The following MAP4K5 variants were observed in gnomAD, a reference collection of about 807,000 sequenced individuals.
MAP4K5 encodes mitogen-activated protein kinase kinase kinase kinase 5, also known as MAPK/ERK kinase kinase kinase 5.
Under a neutral mutation model 135.6 loss-of-function variants are expected in MAP4K5, and 82 were observed. That is an observed-to-expected ratio of 0.60 (90% confidence interval 0.51 to 0.73). The LOEUF (loss-of-function observed/expected upper bound fraction) is 0.73. Among genes scored for constraint, MAP4K5 ranks in the 30% least tolerant of loss-of-function variants. MAP4K5 has a pLI of 0.00. For synonymous variants in MAP4K5, 347 were observed against 335.0 expected (o/e 1.04, Z -0.39); for missense variants, 907 against 1,010.9 (o/e 0.90, Z 1.39).
chr14:50,433,604 A>G (rs2036023202), intron 28 of MAP4K5, among the ~76,000 whole-genome samples: 1 of 152,238 alleles, frequency 6.6e-6, no homozygotes, highest in African/African-American at 2.4e-5. Flanking sequence ...TAAATGATCA[A>G]AAGCCAAAGG....
exon 2 of MAP4K5, chr14:50,542,527 G>A (rs374709090): frequency 2.4e-4 from 36 of 152,298 alleles, no homozygotes; most frequent in African/African-American, 8.4e-4. Context: ...AGTTGAACAT[G>A]GGCAGCAGAA....
chr14:50,503,222 T>C (rs944436776), intron 3 of MAP4K5, among the ~76,000 whole-genome samples: 1 of 152,004 alleles, frequency 6.6e-6, no homozygotes, highest in Admixed American at 6.6e-5. Context: ...AATAACCTGA[T>C]AGGACTGGGG....
At chr14:50,463,170 C>T (rs1256548296) in intron 12 of MAP4K5, among the ~76,000 whole-genome samples, 1 of 152,112 alleles carries the variant, frequency 6.6e-6, no homozygotes, top group African/African-American at 2.4e-5. Flanking sequence ...TATCTGCATA[C>T]ATTTAATTCT....
At chr14:50,444,399 T>G (rs2139717384) in intron 18 of MAP4K5, among the ~76,000 whole-genome samples, 1 of 152,300 alleles carries the variant, frequency 6.6e-6, no homozygotes, top group South Asian at 2.1e-4. Flanking sequence ...TAATTCAGAT[T>G]TCCCAGCTTC....
At chr14:50,536,113 C>G, upstream of MAP4K5, among the ~76,000 whole-genome samples, 1 of 152,192 alleles carries the variant, frequency 6.6e-6, no homozygotes, top group Admixed American at 6.5e-5. Flanking sequence ...TGCCCGGTCT[C>G]AGGTTTGTCT....
chr14:50,437,764 T>C, intron 25 of MAP4K5, 130 bp downstream of exon 25: 1 of 692,034 alleles, frequency 1.4e-6, no homozygotes. Flanking sequence ...CTTTTCCAGA[T>C]ATAATACACT....
chr14:50,453,247 C>G (rs1351991111), intron 14 of MAP4K5, among the ~76,000 whole-genome samples: 1 of 150,650 alleles, frequency 6.6e-6, no homozygotes, highest in Admixed American at 6.6e-5. Context: ...GACTCAACCA[C>G]CAATACACTC....
At chr14:50,508,285 C>T (rs2037855259) in intron 2 of MAP4K5, among the ~76,000 whole-genome samples, 1 of 152,068 alleles carries the variant, frequency 6.6e-6, no homozygotes, top group South Asian at 2.1e-4. Context: ...TATTGTGGCA[C>T]TATTCACAAT....
chr14:50,473,437 T>C (rs2037013807), intron 9 of MAP4K5, among the ~76,000 whole-genome samples: 1 of 152,168 alleles, frequency 6.6e-6, no homozygotes, highest in South Asian at 2.1e-4. Context: ...CGATACTTAA[T>C]ATGTATTATT....
intron 3 of MAP4K5, among the ~76,000 whole-genome samples, chr14:50,489,421 T>C (rs559423759): frequency 7.2e-5 from 11 of 152,330 alleles, no homozygotes; most frequent in South Asian, 4.1e-4. Flanking sequence ...ATGAGACTAG[T>C]TGAGAACCAC....
At chr14:50,420,981 G>C (rs1323070274) in intron 32 of MAP4K5, among the ~76,000 whole-genome samples, 1 of 151,554 alleles carries the variant, frequency 6.6e-6, no homozygotes, top group Non-Finnish European at 1.5e-5. Flanking sequence ...AGAGAAAAAA[G>C]TTTCTAGAGG....
At chr14:50,505,899 A>G (rs557655499) in intron 2 of MAP4K5, among the ~76,000 whole-genome samples, 11 of 149,766 alleles carry the variant, frequency 7.3e-5, no homozygotes, top group Admixed American at 5.3e-4. Flanking sequence ...GGATTCTAAG[A>G]TACGGTATTA....
chr14:50,557,732 A>C (rs2140169361), intron 1 of MAP4K5, among the ~76,000 whole-genome samples: 1 of 152,340 alleles, frequency 6.6e-6, no homozygotes, highest in South Asian at 2.1e-4. Flanking sequence ...GCATTCTAGC[A>C]ATGTCCACTG....
In MAP4K5 at chr14:50,419,838, G is replaced by A; in HGVS notation, c.*181C>T. 1 of 558,116 alleles carries A rather than the reference G, an allele frequency of 1.8e-6. No individual in the cohort carries two copies. Among genetic ancestry groups the A allele is most frequent in the Non-Finnish European group, 3.2e-6 (1 of 311,832 alleles). 34.6% of individuals were successfully genotyped at this position (558,116 alleles called of 1,614,324 possible). A position where few individuals can be genotyped will look rare whatever the true frequency, so the allele number is the denominator to read the frequency against. On this transcript the variant is annotated 3_prime_UTR_variant, in exon 33 of 33. Coordinates refer to ENST00000682126, the MANE Select transcript of MAP4K5 (RefSeq NM_006575.6). ...TGATATAACCACCACACAGTGGCAA[G>A]AGATAGACTAGCTGTTTCCAGCTGC...
intron 29 of MAP4K5, 61 bp downstream of exon 29, chr14:50,429,131 A>T: frequency 1.1e-6 from 1 of 897,658 alleles, no homozygotes; most frequent in Non-Finnish European, 1.7e-6. Flanking sequence ...ATGGTTTAAC[A>T]GAATAAAAAA....
chr14:50,496,313 C>G (rs1469272739), intron 3 of MAP4K5, among the ~76,000 whole-genome samples: 2 of 151,548 alleles, frequency 1.3e-5, no homozygotes, highest in African/African-American at 4.9e-5. Context: ...GTGCCAAGAG[C>G]AAGACTCCAA....
At chr14:50,480,170 T>C (rs1390458646) in intron 6 of MAP4K5, among the ~76,000 whole-genome samples, 2 of 151,994 alleles carry the variant, frequency 1.3e-5, no homozygotes, top group Non-Finnish European at 2.9e-5. Flanking sequence ...TTTTTTTTTA[T>C]TTTAATTTTT....
intron 6 of MAP4K5, among the ~76,000 whole-genome samples, chr14:50,480,609 C>T (rs2037217286): frequency 6.6e-6 from 1 of 152,132 alleles, no homozygotes; most frequent in Admixed American, 6.5e-5. Context: ...TCTCCAGCTC[C>T]ATCCTTGTTC....
At chr14:50,448,857 A>G (rs1350432317) in intron 14 of MAP4K5, 25 bp from the exon 15 acceptor site, 1 of 1,266,136 alleles carries the variant, frequency 7.9e-7, no homozygotes. Context: ...ACAGGTATGT[A>G]CAAACTCAGC....
Sources: gnomAD v4.1 joint callset for allele counts (sites outside exome capture counted in the v4.1 genomes callset) on GRCh38, gnomAD v4.1.1 for gene constraint, MANE v1.5 for transcripts, NCBI Gene and HGNC (gene_info 2026-07-23, HGNC 2026-07-21) for gene names.